The following ADAMTSL3 variants were observed in gnomAD, a reference collection of about 807,000 sequenced individuals.
ADAMTSL3 encodes the protein ADAMTS like 3.
ADAMTSL3 carries 128 observed loss-of-function variants against 201.7 expected under a neutral mutation model. That is an observed-to-expected ratio of 0.63 (90% CI 0.55 to 0.73). The LOEUF is 0.73. Among genes scored for constraint, ADAMTSL3 ranks in the 30% least tolerant of loss-of-function variants. The pLI is 0.00. For missense variants in ADAMTSL3, 1,990 were observed against 2,119.6 expected (o/e 0.94, Z 1.20); for synonymous variants, 738 against 748.4 (o/e 0.99, Z 0.23).
chr15:83,758,758 CT>C (rs141957657), intron 3 of ADAMTSL3, among the ~76,000 whole-genome samples: 4 of 151,874 alleles, frequency 2.6e-5, no homozygotes, highest in Non-Finnish European at 4.4e-5. Context: ...TGGGCTATTT[CT>C]TTTTTTTGTT....
chr15:83,819,696 T>A, intron 5 of ADAMTSL3, 115 bp from the exon 6 acceptor site: 34 of 715,528 alleles, frequency 4.8e-5, no homozygotes, highest in Middle Eastern at 4.1e-4. Context: ...ATTAGGTGAC[T>A]CCCAGAGAGA....
intron 9 of ADAMTSL3, among the ~76,000 whole-genome samples, chr15:83,872,072 C>T (rs2065090880): frequency 6.6e-6 from 1 of 152,106 alleles, no homozygotes; most frequent in South Asian, 2.1e-4. Flanking sequence ...GTGGGACTGG[C>T]CAAGCGTTGG....
At chr15:83,804,569 T>G in intron 4 of ADAMTSL3, 81 bp from the exon 5 acceptor site, 1 of 966,964 alleles carries the variant, frequency 1.0e-6, no homozygotes, top group Non-Finnish European at 1.5e-6. Context: ...ATGCCTTGTA[T>G]TTGCTTTTTT....
At chr15:83,805,521 C>G (rs996863251) in intron 5 of ADAMTSL3, among the ~76,000 whole-genome samples, 3 of 150,902 alleles carry the variant, frequency 2.0e-5, no homozygotes, top group African/African-American at 4.9e-5. Context: ...CGCGCCACTG[C>G]ACTCCAGCCT....
At chr15:83,949,905 G>C (rs1179288854) in intron 19 of ADAMTSL3, among the ~76,000 whole-genome samples, 1 of 151,832 alleles carries the variant, frequency 6.6e-6, no homozygotes. Flanking sequence ...ATATGTTCTG[G>C]TTCTTAAACC....
chr15:83,871,592 G>T (rs1485313728), intron 9 of ADAMTSL3, among the ~76,000 whole-genome samples: 1 of 152,102 alleles, frequency 6.6e-6, no homozygotes, highest in Non-Finnish European at 1.5e-5. Flanking sequence ...TGCTTCCCCA[G>T]ATGTTCTATG....
intron 21 of ADAMTSL3, among the ~76,000 whole-genome samples, chr15:83,986,836 A>G (rs1187429763): frequency 6.6e-6 from 1 of 152,218 alleles, no homozygotes; most frequent in Admixed American, 6.5e-5. Flanking sequence ...AGAAAGATCA[A>G]CTTTGTTATT....
intron 4 of ADAMTSL3, among the ~76,000 whole-genome samples, chr15:83,782,983 ATAT>A (rs1386080117): frequency 4.7e-5 from 7 of 147,944 alleles, no homozygotes; most frequent in Admixed American, 4.1e-4. Context: ...ATATATATAC[ATAT>A]TATATATACA....
chr15:83,746,483 C>G (rs936845970), intron 3 of ADAMTSL3, among the ~76,000 whole-genome samples: 2 of 151,956 alleles, frequency 1.3e-5, no homozygotes, highest in African/African-American at 4.8e-5. Flanking sequence ...TTTGCTTTAC[C>G]CATGAAAATG....
chr15:83,762,797 T>C (rs73437230), intron 3 of ADAMTSL3, among the ~76,000 whole-genome samples: 8,017 of 152,300 alleles, frequency 0.053, 655 homozygotes, highest in African/African-American at 0.18. Flanking sequence ...ATGTTGTATG[T>C]ATGCTTCTTA....
chr15:83,841,980 A>C (rs770888341), intron 7 of ADAMTSL3, among the ~76,000 whole-genome samples: 9 of 151,454 alleles, frequency 5.9e-5, no homozygotes, highest in Non-Finnish European at 7.4e-5. Flanking sequence ...CGGACGGACG[A>C]GATCCTAGCT....
intron 26 of ADAMTSL3, among the ~76,000 whole-genome samples, chr15:84,024,216 A>G (rs532871310): frequency 3.5e-4 from 53 of 152,326 alleles, no homozygotes; most frequent in Non-Finnish European, 6.5e-4. Flanking sequence ...AGGTTGCGCC[A>G]CTGCACTCCA....
At chr15:83,827,921 C>G (rs1256482869) in intron 6 of ADAMTSL3, among the ~76,000 whole-genome samples, 1 of 152,146 alleles carries the variant, frequency 6.6e-6, no homozygotes, top group Non-Finnish European at 1.5e-5. Context: ...GTTACTGTAG[C>G]CTTGTAGTAT....
At chr15:83,857,972 A>T (rs1220223215) in intron 7 of ADAMTSL3, among the ~76,000 whole-genome samples, 1 of 152,258 alleles carries the variant, frequency 6.6e-6, no homozygotes, top group Non-Finnish European at 1.5e-5. Flanking sequence ...CAGAAATTAA[A>T]TTATCAGTGT....
intron 17 of ADAMTSL3, 111 bp from the exon 18 acceptor site, chr15:83,942,485 C>G: frequency 1.1e-6 from 1 of 912,972 alleles, no homozygotes; most frequent in Non-Finnish European, 1.7e-6. Flanking sequence ...AATCTGTATA[C>G]AGGGTGTGAA....
chr15:83,970,005 A>G (rs913258877), intron 19 of ADAMTSL3, among the ~76,000 whole-genome samples: 2 of 152,230 alleles, frequency 1.3e-5, no homozygotes, highest in Non-Finnish European at 2.9e-5. Flanking sequence ...TGGTGTTTGC[A>G]TTAAGCCCAA....
intron 4 of ADAMTSL3, among the ~76,000 whole-genome samples, chr15:83,786,724 T>G (rs570553365): frequency 6.6e-6 from 1 of 152,246 alleles, no homozygotes; most frequent in African/African-American, 2.4e-5. Flanking sequence ...GTGTGATATC[T>G]GGCTAATTCT....
intron 19 of ADAMTSL3, among the ~76,000 whole-genome samples, chr15:83,968,538 A>G (rs1167215662): frequency 1.3e-5 from 2 of 152,250 alleles, no homozygotes; most frequent in East Asian, 1.9e-4. Context: ...ATATGGAGAA[A>G]TAGGAATGCT....
At chr15:83,798,442 T>G (rs1036612197) in intron 4 of ADAMTSL3, among the ~76,000 whole-genome samples, 7 of 152,206 alleles carry the variant, frequency 4.6e-5, no homozygotes, top group African/African-American at 1.7e-4. Context: ...TGCATGTCAT[T>G]GCATGTGCTC....
Sources: gnomAD v4.1 joint callset for allele counts (sites outside exome capture counted in the v4.1 genomes callset) on GRCh38, gnomAD v4.1.1 for gene constraint, MANE v1.5 for transcripts, NCBI Gene and HGNC (gene_info 2026-07-23, HGNC 2026-07-21) for gene names.